The following RTN1 variants were observed in gnomAD, a reference collection of about 807,000 sequenced individuals.
RTN1 encodes reticulon-1.
RTN1 carries 25 observed loss-of-function variants against 65.5 expected under a neutral mutation model. That is an observed-to-expected ratio of 0.38 (90% CI 0.28 to 0.53). The LOEUF (loss-of-function observed/expected upper bound fraction) is 0.53. Ranked by LOEUF, RTN1 falls within the 20% of genes least tolerant of loss-of-function variation. The pLI is 0.79. For missense variants in RTN1, 983 were observed against 1,025.4 expected, an observed-to-expected ratio of 0.96 and a Z score of 0.57; for synonymous variants, 471 against 447.6, an observed-to-expected ratio of 1.05 and a Z score of -0.66.
In RTN1 at chr14:59,727,741, G is replaced by A; in HGVS notation, c.1016-73C>T. On this transcript the variant is annotated intron_variant, in intron 2 of 8. Coordinates refer to ENST00000267484, the MANE Select transcript of RTN1 (RefSeq NM_021136.3). This position sits in a 1 kb window ranked among gnomAD's most constrained non-coding sequence, Gnocchi z 4.2. Reference sequence around the variant, plus strand: ...CAGACAGATGGACAGAGAGAGGAGGGATAAAACAAAATTCCATTAGGCGAG... The same window carrying A: ...CAGACAGATGGACAGAGAGAGGAGGAATAAAACAAAATTCCATTAGGCGAG... 6.7e-7 allele frequency: 1 copy of A among 1,485,164 alleles called. No individual in the cohort carries two copies. The highest frequency in any genetic ancestry group is 2.3e-5 in the East Asian group (1 of 43,110). The allele number at this position is 1,485,164 out of a possible 1,614,324, so 92.0% of individuals were successfully genotyped here.
Position 59,649,733 on chromosome 14 carries a change from T to C in RTN1, c.1766-42241A>G, listed in dbSNP as rs180977718. On this transcript the variant is annotated intron_variant, in intron 3 of 8. Coordinates refer to ENST00000267484, the MANE Select transcript of RTN1 (RefSeq NM_021136.3). ...TCATGCCAGTGAGAATGGTGAGTAT[T>C]AAAAAGTCTGGAAACAACAGATGCT... 7.7e-3 allele frequency among the ~76,000 whole-genome samples: 1,175 copies of C among 152,258 alleles called. 17 individuals are homozygous for C. Among genetic ancestry groups the C allele is most frequent in the African/African-American group, 0.025 (1,055 of 41,542 alleles).
intron 3 of RTN1, among the ~76,000 whole-genome samples, chr14:59,647,691 G>T (rs1322402236): frequency 6.6e-6 from 1 of 152,168 alleles, no homozygotes; most frequent in African/African-American, 2.4e-5. Context: ...TGGCTTTTGG[G>T]TAAATAATGA....
At chr14:59,753,463 G>C (rs1885572302) in intron 1 of RTN1, among the ~76,000 whole-genome samples, 1 of 152,044 alleles carries the variant, frequency 6.6e-6, no homozygotes, top group South Asian at 2.1e-4. Context: ...TAAAAACAAA[G>C]AATAATTCAA....
chr14:59,798,434 G>A (rs1416193597), intron 1 of RTN1, among the ~76,000 whole-genome samples: 1 of 152,160 alleles, frequency 6.6e-6, no homozygotes, highest in Non-Finnish European at 1.5e-5. Flanking sequence ...TACAGTTATG[G>A]AATTCAAAAG....
At chr14:59,667,522 G>A (rs893641856) in intron 3 of RTN1, among the ~76,000 whole-genome samples, 15 of 152,122 alleles carry the variant, frequency 9.9e-5, no homozygotes, top group South Asian at 2.1e-4. Flanking sequence ...GGGCAAAAAC[G>A]GGAAGCATCC....
chr14:59,661,526 A>G (rs1883247752), intron 3 of RTN1, among the ~76,000 whole-genome samples: 1 of 152,238 alleles, frequency 6.6e-6, no homozygotes, highest in African/African-American at 2.4e-5. Flanking sequence ...AACCAAATCC[A>G]GCAGCACATC....
chr14:59,672,109 C>G (rs1247527026), intron 3 of RTN1, among the ~76,000 whole-genome samples: 1 of 152,104 alleles, frequency 6.6e-6, no homozygotes, highest in Non-Finnish European at 1.5e-5. Context: ...AAGCTACAGG[C>G]AGGGAAGAGT....
intron 1 of RTN1, among the ~76,000 whole-genome samples, chr14:59,804,717 C>A (rs922641276): frequency 6.6e-6 from 1 of 152,034 alleles, no homozygotes; most frequent in African/African-American, 2.4e-5. Flanking sequence ...CAGCCTCTGG[C>A]AAAACTGCAT....
chr14:59,650,747 A>T (rs764397708), intron 3 of RTN1, among the ~76,000 whole-genome samples: 2 of 152,256 alleles, frequency 1.3e-5, no homozygotes, highest in Non-Finnish European at 2.9e-5. Context: ...CTGCTCAAAG[A>T]AGTCAGAGAT....
At position 59,643,711 on chromosome 14, in the gene RTN1, A is replaced by T. The variant is rs568462979; in HGVS notation, c.1766-36219T>A. Among the ~76,000 whole-genome samples, 10 of 152,344 alleles carry T rather than the reference A, an allele frequency of 6.6e-5. No individual in the cohort carries two copies. The South Asian group carries it at 2.1e-3, about 32-fold the overall frequency. On this transcript the variant is annotated intron_variant, in intron 3 of 8. Transcript: ENST00000267484. ...ATATCAGCAGCTATATACCATGGAA[A>T]AGATAGATCAGTCAGATTAAGTCAG...
intron 1 of RTN1, among the ~76,000 whole-genome samples, chr14:59,802,175 T>A (rs927737678): frequency 6.6e-6 from 1 of 152,172 alleles, no homozygotes; most frequent in Non-Finnish European, 1.5e-5. Flanking sequence ...TTAGTAAAAA[T>A]AAAGTCATAA....
intron 1 of RTN1, among the ~76,000 whole-genome samples, chr14:59,830,120 C>T (rs139391161): frequency 6.6e-6 from 1 of 152,330 alleles, no homozygotes; most frequent in East Asian, 1.9e-4. Context: ...CATTGTTTAG[C>T]CCTCTGCCCA....
intron 1 of RTN1, among the ~76,000 whole-genome samples, chr14:59,824,908 G>A (rs945142845): frequency 2.0e-5 from 3 of 152,208 alleles, no homozygotes; most frequent in African/African-American, 7.2e-5. Flanking sequence ...AATATGGCAT[G>A]ACTTCACTTA....
chr14:59,620,234 C>CTAAAGTGGTAAAA (rs1465924172), intron 3 of RTN1, among the ~76,000 whole-genome samples: 1 of 152,050 alleles, frequency 6.6e-6, no homozygotes, highest in Non-Finnish European at 1.5e-5. Flanking sequence ...CGGAAATAAC[C>CTAAAGTGGTAAAA]TAAAGTGGTA....
At chr14:59,798,367 A>G (rs1886477759) in intron 1 of RTN1, among the ~76,000 whole-genome samples, 1 of 152,222 alleles carries the variant, frequency 6.6e-6, no homozygotes. Flanking sequence ...TATTGCTACT[A>G]TAACTGTAAC....
At chr14:59,674,718 T>C (rs1484512307) in intron 3 of RTN1, among the ~76,000 whole-genome samples, 1 of 152,070 alleles carries the variant, frequency 6.6e-6, no homozygotes, top group Non-Finnish European at 1.5e-5. Flanking sequence ...CTTTATACTG[T>C]AGAAAGAAAA....
At chr14:59,710,905 A>G (rs1884406110) in intron 3 of RTN1, among the ~76,000 whole-genome samples, 1 of 152,100 alleles carries the variant, frequency 6.6e-6, no homozygotes, top group Admixed American at 6.5e-5. Flanking sequence ...CAACCTAACC[A>G]CCTTAAAAGC....
At chr14:59,819,765 C>CCTA (rs1242103780) in intron 1 of RTN1, among the ~76,000 whole-genome samples, 6 of 152,140 alleles carry the variant, frequency 3.9e-5, no homozygotes, top group African/African-American at 1.4e-4. Context: ...CGCGGGGAGG[C>CCTA]CTACAGTGCT....
At chr14:59,711,184 G>C (rs1375198914) in intron 3 of RTN1, among the ~76,000 whole-genome samples, 6 of 152,192 alleles carry the variant, frequency 3.9e-5, no homozygotes, top group Admixed American at 3.9e-4. Flanking sequence ...TTTTATGGGG[G>C]TTATAAAGTT....
Sources: allele counts gnomAD v4.1 joint callset (sites outside exome capture counted in the v4.1 genomes callset), GRCh38; gene constraint gnomAD v4.1.1; non-coding constraint Gnocchi (gnomAD v3.1); transcripts MANE v1.5; gene names NCBI Gene and HGNC (gene_info 2026-07-23, HGNC 2026-07-21).